PRKAG2: variants seen among roughly 807,000 people sequenced by gnomAD.
PRKAG2 encodes the protein 5'-AMP-activated protein kinase subunit gamma-2.
In PRKAG2, 26 loss-of-function variants were observed where a neutral mutation model predicts 69.6. That is an observed-to-expected ratio of 0.37 (90% CI 0.27 to 0.52). The LOEUF (loss-of-function observed/expected upper bound fraction) is 0.52, where lower values mean the gene tolerates loss of function less well. Ranked by LOEUF, PRKAG2 falls within the 20% of genes least tolerant of loss-of-function variation. The pLI is 0.90. For missense variants in PRKAG2, 557 were observed against 740.0 expected, an observed-to-expected ratio of 0.75 and a Z score of 2.87; for synonymous variants, 293 against 285.0, an observed-to-expected ratio of 1.03 and a Z score of -0.28.
At chr7:151,813,868 AAGAGAGTCCCC>A (rs2078551651) in intron 1 of PRKAG2, among the ~76,000 whole-genome samples, 1 of 152,236 alleles carries the variant, frequency 6.6e-6, no homozygotes, top group African/African-American at 2.4e-5. Context: ...ATATGGGGTC[AAGAGAGTCCCC>A]AGAAAACTGT....
chr7:151,781,319 C>T lies in PRKAG2; in HGVS notation c.299G>A (p.Gly100Asp). 1 of 1,613,908 alleles carries T rather than the reference C, an allele frequency of 6.2e-7. No individual in the cohort carries two copies. Among genetic ancestry groups the T allele is most frequent in the Non-Finnish European group, 8.5e-7 (1 of 1,179,974 alleles). ...SAPVRPKTSPGSPKTVFPFSY... is the reference protein window; with the variant it reads ...SAPVRPKTSPDSPKTVFPFSY... Reference sequence around the variant, plus strand: ...GAACGGGAACACGGTTTTGGGAGAGCCGGGGCTGGTCTTGGGCCTCACAGG... The same window carrying T: ...GAACGGGAACACGGTTTTGGGAGAGTCGGGGCTGGTCTTGGGCCTCACAGG... Residue 100 changes from glycine to aspartate, a missense_variant, in exon 3 of 16, where the codon GGC (glycine) becomes GAC (aspartate). Around this residue, in one of 2 missense-constraint regions of PRKAG2, gnomAD observed 352 missense variants for 356.7 expected, o/e 0.99. Transcript: ENST00000287878. The surrounding 1 kb of genome is among the most constrained non-coding windows in gnomAD (Gnocchi z 6.1).
At chr7:151,668,082 G>A (rs1427760135) in intron 4 of PRKAG2, among the ~76,000 whole-genome samples, 3 of 152,194 alleles carry the variant, frequency 2.0e-5, no homozygotes, top group African/African-American at 7.2e-5. Context: ...GAGGTGTTTG[G>A]GCCATGGGGG....
At position 151,781,861 on chromosome 7, in the gene PRKAG2, C is replaced by A. The variant is rs545093746; in HGVS notation, c.187-430G>T. Among the ~76,000 whole-genome samples, 1 of 152,294 alleles carries A rather than the reference C, an allele frequency of 6.6e-6. No homozygotes were observed. Among genetic ancestry groups the A allele is most frequent in the East Asian group, 1.9e-4 (1 of 5,178 alleles). ...CCTATAAGATCCCTATGTTCCAGAA[C>A]AGAGCGGGCCTGGAGCTCCATCCTG... On this transcript the variant is annotated intron_variant, in intron 2 of 15. Transcript: ENST00000287878. This position sits in a 1 kb window ranked among gnomAD's most constrained non-coding sequence, Gnocchi z 6.1.
intron 3 of PRKAG2, among the ~76,000 whole-genome samples, chr7:151,702,725 T>C (rs1837926961): frequency 6.6e-6 from 1 of 152,192 alleles, no homozygotes; most frequent in Non-Finnish European, 1.5e-5. Flanking sequence ...AATAAGACTC[T>C]AGCATGAATT....
Position 151,751,673 on chromosome 7 carries a change from T to TTTTG in PRKAG2, c.466+29475_466+29478dup, listed in dbSNP as rs58075222. On this transcript the variant is annotated intron_variant, in intron 3 of 15. Transcript: ENST00000287878. ...GGCACATGTCTCCATGCCCAGCTAT[T>TTTTG]TTTGTTTGTTTGTTTGTTTGTTTGT... 2.0e-3 allele frequency among the ~76,000 whole-genome samples: 304 copies of TTTTG among 149,574 alleles called. 2 individuals are homozygous for TTTTG. Among genetic ancestry groups the TTTTG allele is most frequent in the African/African-American group, 3.6e-3 (145 of 40,424 alleles).
At chr7:151,721,426 G>A (rs535673963) in intron 3 of PRKAG2, among the ~76,000 whole-genome samples, 12 of 152,288 alleles carry the variant, frequency 7.9e-5, no homozygotes, top group South Asian at 4.2e-4. Flanking sequence ...CCAGCACAGC[G>A]CTATGGGGCC....
intron 1 of PRKAG2, among the ~76,000 whole-genome samples, chr7:151,833,975 G>C (rs1236230305): frequency 1.3e-5 from 2 of 152,192 alleles, no homozygotes; most frequent in African/African-American, 4.8e-5. Context: ...CCCGGCCCAT[G>C]GCGGGGGCCA....
chr7:151,629,298 C>G (rs753571340), intron 5 of PRKAG2, among the ~76,000 whole-genome samples: 1 of 152,140 alleles, frequency 6.6e-6, no homozygotes. Flanking sequence ...GCAGCAGGAG[C>G]GGCCCCTGTG....
At position 151,719,889 on chromosome 7, in the gene PRKAG2, T is replaced by C. The variant is rs1434543948; in HGVS notation, c.467-44252A>G. Among the ~76,000 whole-genome samples the C allele has an allele frequency of 6.6e-6, 1 of 152,182 alleles. No homozygotes were observed. Among genetic ancestry groups the C allele is most frequent in the Admixed American group, 6.5e-5 (1 of 15,286 alleles). On this transcript the variant is annotated intron_variant, in intron 3 of 15. Coordinates refer to ENST00000287878, the MANE Select transcript of PRKAG2 (RefSeq NM_016203.4). The surrounding 1 kb of genome is among the most constrained non-coding windows in gnomAD (Gnocchi z 5.2). ...TACTGAGGTAGTTCTGTTATTTCAC[T>C]GAGGCCGCCACATTCAATCTGCACC...
At chr7:151,585,373 G>A (rs1811408009) in intron 6 of PRKAG2, among the ~76,000 whole-genome samples, 1 of 152,140 alleles carries the variant, frequency 6.6e-6, no homozygotes, top group African/African-American at 2.4e-5. Flanking sequence ...CAAGAGTAAG[G>A]CACAGGAGCA....
chr7:151,735,648 AGC>A (rs1291873476), intron 3 of PRKAG2, among the ~76,000 whole-genome samples: 9 of 152,202 alleles, frequency 5.9e-5, no homozygotes, highest in African/African-American at 2.4e-5. Flanking sequence ...ATCCATCACT[AGC>A]CTCCCTGGGC....
intron 3 of PRKAG2, among the ~76,000 whole-genome samples, chr7:151,752,090 C>T (rs550313071): frequency 1.5e-3 from 229 of 152,278 alleles, no homozygotes; most frequent in Admixed American, 3.1e-3. Context: ...GAGGCTCCTG[C>T]TGGCCACGTC....
rs192272595 is a variant in PRKAG2, at chr7:151,784,994, G to A, written c.186+1476C>T. 5.6e-3 allele frequency among the ~76,000 whole-genome samples: 858 copies of A among 152,368 alleles called. 11 individuals carry two copies. The highest frequency in any genetic ancestry group is 6.8e-3 in the Non-Finnish European group (461 of 68,030). ...CTGCGTGGCGGTGCAGATAACAGGC[G>A]CCAGCTGAAGCCACCAGGGACAGGG... On this transcript the variant is annotated intron_variant, in intron 2 of 15. Coordinates refer to ENST00000287878, the MANE Select transcript of PRKAG2 (RefSeq NM_016203.4).
chr7:151,764,650 G>A (rs1008203306), intron 3 of PRKAG2, among the ~76,000 whole-genome samples: 9 of 152,196 alleles, frequency 5.9e-5, no homozygotes, highest in East Asian at 3.8e-4. Context: ...CCAGAAGCCC[G>A]GAGACCTCAT....
chr7:151,693,023 C>A (rs552778373), intron 3 of PRKAG2, among the ~76,000 whole-genome samples: 47 of 152,258 alleles, frequency 3.1e-4, no homozygotes, highest in Admixed American at 5.9e-4. Flanking sequence ...GGGGAGGGGG[C>A]AGGAGAGAGC....
At chr7:151,589,715 C>T (rs1812596561) in intron 6 of PRKAG2, among the ~76,000 whole-genome samples, 1 of 152,178 alleles carries the variant, frequency 6.6e-6, no homozygotes, top group Admixed American at 6.5e-5. Context: ...GCGGGCAGGT[C>T]AAGAGGCCAG....
chr7:151,838,723 AAGT>A (rs2079206160), intron 1 of PRKAG2, among the ~76,000 whole-genome samples: 2 of 150,840 alleles, frequency 1.3e-5, no homozygotes, highest in Non-Finnish European at 3.0e-5. Flanking sequence ...AAAAAAAAAA[AAGT>A]AAAGAAGGCC....
chr7:151,673,815 C>G (rs1014680349), intron 4 of PRKAG2, among the ~76,000 whole-genome samples: 3 of 150,626 alleles, frequency 2.0e-5, no homozygotes, highest in African/African-American at 2.4e-5. Flanking sequence ...AGGGGTGGGC[C>G]CTCATCCAAT....
At chr7:151,675,767 C>CG (rs1832834858) in intron 3 of PRKAG2, 130 bp from the exon 4 acceptor site, 1 of 879,028 alleles carries the variant, frequency 1.1e-6, no homozygotes, top group African/African-American at 1.9e-5. Flanking sequence ...GAAGGGACGT[C>CG]GGGGGCAGTC....
Sources: allele counts gnomAD v4.1 joint callset (sites outside exome capture counted in the v4.1 genomes callset), GRCh38; gene constraint gnomAD v4.1.1; regional missense constraint gnomAD v4.1.1; non-coding constraint Gnocchi (gnomAD v3.1); transcripts MANE v1.5; gene names NCBI Gene and HGNC (gene_info 2026-07-23, HGNC 2026-07-21).